OSBPL9: variants seen among roughly 807,000 people sequenced by gnomAD.
The protein encoded by OSBPL9 is oxysterol-binding protein-related protein 9.
Under a neutral mutation model 106.6 loss-of-function variants are expected in OSBPL9, and 40 were observed. The observed-to-expected ratio is 0.38, with a 90% CI of 0.29 to 0.49. The LOEUF is 0.49. OSBPL9 is among the 20% of genes least tolerant of loss of function. OSBPL9 has a pLI of 0.97. For synonymous variants in OSBPL9, 269 were observed against 295.4 expected, an observed-to-expected ratio of 0.91 and a Z score of 0.92; for missense variants, 609 against 887.2, an observed-to-expected ratio of 0.69 and a Z score of 3.98.
intron 1 of OSBPL9, among the ~76,000 whole-genome samples, chr1:51,596,792 A>G (rs1035535180): frequency 1.1e-4 from 17 of 152,120 alleles, no homozygotes; most frequent in South Asian, 4.1e-4. Flanking sequence ...AAAAGAAAAA[A>G]AAAATCCAAT....
rs187708902 is a variant in OSBPL9, at chr1:51,785,949, T to A, written c.1908+63T>A. 7.2e-6 allele frequency: 10 copies of A among 1,383,220 alleles called. No individual in the cohort carries two copies. In the East Asian group the frequency reaches 2.3e-4, roughly 32 times the overall value. The allele number at this position is 1,383,220 out of a possible 1,614,324, so 85.7% of individuals were successfully genotyped here. On this transcript the variant is annotated intron_variant, in intron 21 of 23. Transcript: ENST00000428468. ...TTAGATTGTACTCTATCCCTTTTTC[T>A]GGCTTCCTTCATTAGTACTTCCTTC...
At chr1:51,745,859 A>G (rs997020658) in intron 5 of OSBPL9, among the ~76,000 whole-genome samples, 1 of 149,960 alleles carries the variant, frequency 6.7e-6, no homozygotes, top group African/African-American at 2.5e-5. Context: ...TAAGAAAAAA[A>G]AGGTAAATAT....
At chr1:51,672,449 C>T (rs1650106548) in intron 3 of OSBPL9, among the ~76,000 whole-genome samples, 1 of 152,096 alleles carries the variant, frequency 6.6e-6, no homozygotes, top group Non-Finnish European at 1.5e-5. Context: ...ATATAGATTC[C>T]ATCACTCCAA....
chr1:51,575,615 C>G (rs1030347994), upstream of OSBPL9, among the ~76,000 whole-genome samples: 1 of 152,136 alleles, frequency 6.6e-6, no homozygotes, highest in Non-Finnish European at 1.5e-5. Flanking sequence ...CTATTACTCA[C>G]GTCTGATGAC....
chr1:51,675,109 T>G (rs1043495254), intron 3 of OSBPL9, among the ~76,000 whole-genome samples: 5 of 152,218 alleles, frequency 3.3e-5, no homozygotes, highest in Non-Finnish European at 7.3e-5. Flanking sequence ...TGTACTGATG[T>G]TGGCACAGTG....
At chr1:51,585,484 A>G (rs1313771021) in intron 1 of OSBPL9, among the ~76,000 whole-genome samples, 2 of 152,166 alleles carry the variant, frequency 1.3e-5, no homozygotes, top group Non-Finnish European at 2.9e-5. Flanking sequence ...TTAGATATCA[A>G]AAATAAAGTT....
upstream of OSBPL9, among the ~76,000 whole-genome samples, chr1:51,572,250 C>T (rs556029166): frequency 1.1e-4 from 17 of 152,110 alleles, no homozygotes; most frequent in African/African-American, 3.1e-4. Flanking sequence ...TTCTACTTAG[C>T]GGACAAAAGC....
upstream of OSBPL9, among the ~76,000 whole-genome samples, chr1:51,575,288 C>A (rs1645176590): frequency 1.3e-5 from 2 of 152,082 alleles, no homozygotes; most frequent in African/African-American, 4.8e-5. Context: ...GCAACCTCAG[C>A]CTCCTAGGTT....
chr1:51,730,393 A>T (rs1474132945), intron 4 of OSBPL9, among the ~76,000 whole-genome samples: 1 of 152,240 alleles, frequency 6.6e-6, no homozygotes, highest in Non-Finnish European at 1.5e-5. Flanking sequence ...TTGCCCATTA[A>T]TAGAATCTCC....
At chr1:51,724,034 C>T (rs1262323707) in intron 4 of OSBPL9, among the ~76,000 whole-genome samples, 1 of 152,166 alleles carries the variant, frequency 6.6e-6, no homozygotes, top group African/African-American at 2.4e-5. Context: ...GAAACCTCCA[C>T]CTCCCAGGTT....
At chr1:51,530,282 G>C in the OSBPL9 span, among the ~76,000 whole-genome samples, 3 of 148,596 alleles carry the variant, frequency 2.0e-5, no homozygotes, top group Admixed American at 6.7e-5. Flanking sequence ...CACCAAAGCA[G>C]AGCAACAAAA....
chr1:51,711,028 TTTTC>T (rs1244884351), intron 3 of OSBPL9, among the ~76,000 whole-genome samples: 2 of 151,286 alleles, frequency 1.3e-5, no homozygotes, highest in Admixed American at 6.6e-5. Context: ...TACTTCTATA[TTTTC>T]TTTTTTTTTT....
chr1:51,640,994 G>T (rs1645759400), intron 1 of OSBPL9, among the ~76,000 whole-genome samples: 1 of 151,426 alleles, frequency 6.6e-6, no homozygotes, highest in African/African-American at 2.4e-5. Flanking sequence ...TCACTATGTT[G>T]CCCAGGCTGG....
chr1:51,747,263 A>G (rs559521953), intron 6 of OSBPL9, among the ~76,000 whole-genome samples: 1 of 152,332 alleles, frequency 6.6e-6, no homozygotes, highest in East Asian at 1.9e-4. Flanking sequence ...CACCACACCC[A>G]GCCCAGAGTT....
intron 11 of OSBPL9, 46 bp downstream of exon 11, chr1:51,762,017 T>A: frequency 7.2e-7 from 1 of 1,394,804 alleles, no homozygotes; most frequent in Non-Finnish European, 1.0e-6. Context: ...TCTATTAACA[T>A]TTGAGGTTTG....
chr1:51,700,691 A>T (rs1244203040), intron 3 of OSBPL9, among the ~76,000 whole-genome samples: 1 of 152,202 alleles, frequency 6.6e-6, no homozygotes, highest in Admixed American at 6.5e-5. Flanking sequence ...TTAACTGGTG[A>T]TGTTAACCTT....
intron 4 of OSBPL9, among the ~76,000 whole-genome samples, chr1:51,742,585 A>T (rs1667166674): frequency 6.6e-6 from 1 of 151,588 alleles, no homozygotes; most frequent in Non-Finnish European, 1.5e-5. Flanking sequence ...TAAAATAAAA[A>T]ATTATCTGGG....
intron 3 of OSBPL9, among the ~76,000 whole-genome samples, chr1:51,702,186 T>A (rs1657427568): frequency 6.6e-6 from 1 of 152,238 alleles, no homozygotes; most frequent in Non-Finnish European, 1.5e-5. Context: ...CTGGGTCAAA[T>A]GGTATTTCTA....
At chr1:51,595,690 T>G (rs1284593958) in intron 1 of OSBPL9, among the ~76,000 whole-genome samples, 1 of 152,030 alleles carries the variant, frequency 6.6e-6, no homozygotes, top group Non-Finnish European at 1.5e-5. Flanking sequence ...GTGAGGAAAA[T>G]GAGGCTCAAA....
Sources: allele counts gnomAD v4.1 joint callset (sites outside exome capture counted in the v4.1 genomes callset), GRCh38; gene constraint gnomAD v4.1.1; transcripts MANE v1.5; gene names NCBI Gene and HGNC (gene_info 2026-07-23, HGNC 2026-07-21).